FLRT2: variants seen among roughly 807,000 people sequenced by gnomAD.
FLRT2 encodes the protein leucine-rich repeat transmembrane protein FLRT2.
In FLRT2, 15 loss-of-function variants were observed where a neutral mutation model predicts 40.0. The ratio of observed to expected loss-of-function variants is 0.38; its 90% CI spans 0.25 to 0.58. The LOEUF is 0.58. Among genes scored for constraint, FLRT2 ranks in the 20% least tolerant of loss-of-function variants. FLRT2 has a pLI of 0.71. For synonymous variants in FLRT2, 380 were observed against 336.8 expected, an observed-to-expected ratio of 1.13 and a Z score of -1.41; for missense variants, 726 against 840.0, an observed-to-expected ratio of 0.86 and a Z score of 1.68.
At chr14:85,579,813 G>T (rs1412928449) in intron 1 of FLRT2, among the ~76,000 whole-genome samples, 2 of 151,926 alleles carry the variant, frequency 1.3e-5, no homozygotes, top group African/African-American at 2.4e-5. Flanking sequence ...AAATGACAGG[G>T]CTGTCTTTAA....
intron 1 of FLRT2, among the ~76,000 whole-genome samples, chr14:85,537,682 C>T (rs1888744353): frequency 6.6e-6 from 1 of 151,728 alleles, no homozygotes. Flanking sequence ...AACTATGTTC[C>T]TTTTTTAAAG....
chr14:85,613,506 TA>T (rs144085936), intron 1 of FLRT2, among the ~76,000 whole-genome samples: 2,316 of 152,340 alleles, frequency 0.015, 33 homozygotes, highest in South Asian at 0.065. Context: ...TTAGGTAGCT[TA>T]AAACTCTTGA....
intron 1 of FLRT2, among the ~76,000 whole-genome samples, chr14:85,599,702 TC>T (rs565531694): frequency 6.6e-6 from 1 of 152,138 alleles, no homozygotes; most frequent in Non-Finnish European, 1.5e-5. Flanking sequence ...TTTTCTTTCC[TC>T]CCCCCGTCTT....
rs549844386 is a variant in FLRT2 at position 85,570,607 on chromosome 14, A to G, written c.-377+40073A>G. On this transcript the variant is annotated intron_variant, in intron 1 of 1. Coordinates refer to ENST00000330753, the MANE Select transcript of FLRT2 (RefSeq NM_013231.6). ...TTTATTTATTTATTTATTGAGACAG[A>G]ATCTCACTCTGTCGCCCAGGCTGGA... Among the ~76,000 whole-genome samples the G allele has an allele frequency of 1.6e-4, 19 of 121,662 alleles. No homozygotes were observed. The South Asian group carries it at 4.9e-3, about 31-fold the overall frequency. The allele number at this position is 121,662 out of a possible 152,430, so 79.8% of individuals were successfully genotyped here.
At chr14:85,596,757 G>C (rs985078849) in intron 1 of FLRT2, among the ~76,000 whole-genome samples, 1 of 152,192 alleles carries the variant, frequency 6.6e-6, no homozygotes, top group Admixed American at 6.6e-5. Flanking sequence ...TGGCACAGAT[G>C]AGAACATGCT....
intron 1 of FLRT2, among the ~76,000 whole-genome samples, chr14:85,547,042 T>A (rs900689580): frequency 3.3e-5 from 5 of 152,164 alleles, no homozygotes; most frequent in African/African-American, 1.2e-4. Flanking sequence ...AGCCCATATT[T>A]CTCCTTCCCT....
intron 1 of FLRT2, among the ~76,000 whole-genome samples, chr14:85,572,041 C>A (rs1005537908): frequency 1.3e-5 from 2 of 152,142 alleles, no homozygotes; most frequent in African/African-American, 4.8e-5. Flanking sequence ...ATGTTGAGAA[C>A]CCCCAGCCTA....
At chr14:85,610,104 G>T (rs571448173) in intron 1 of FLRT2, among the ~76,000 whole-genome samples, 10 of 152,220 alleles carry the variant, frequency 6.6e-5, no homozygotes, top group African/African-American at 2.4e-4. Flanking sequence ...TTACATGGCT[G>T]TCTTTACCCA....
At position 85,651,421 on chromosome 14, in the gene FLRT2, C is replaced by G. The variant is rs1894430756; in HGVS notation, c.*27924C>G. 1 of 152,028 alleles carries G rather than the reference C, an allele frequency of 6.6e-6. No individual in the cohort carries two copies. The highest frequency in any genetic ancestry group is 2.4e-5 in the African/African-American group (1 of 41,404). The allele number at this position is 152,028 out of a possible 1,614,324, so 9.4% of individuals were successfully genotyped here. The stretch of plus-strand genomic sequence containing the variant: ...AAGCTAATATCGCTTCATTTTATCT[C>G]TCATCACATTTTGTTTTTGTTTGTT... On this transcript the variant is annotated 3_prime_UTR_variant, in exon 2 of 2. Transcript: ENST00000330753.
At chr14:85,565,084 C>T (rs571530831) in intron 1 of FLRT2, among the ~76,000 whole-genome samples, 29 of 152,266 alleles carry the variant, frequency 1.9e-4, no homozygotes, top group African/African-American at 7.0e-4. Context: ...TTATTTTAAA[C>T]CAGATTTCCA....
intron 1 of FLRT2, among the ~76,000 whole-genome samples, chr14:85,569,796 G>T (rs921480843): frequency 1.3e-5 from 2 of 152,168 alleles, no homozygotes; most frequent in African/African-American, 4.8e-5. Flanking sequence ...TTCTTTTTCT[G>T]TGCTTTTGGA....
intron 1 of FLRT2, among the ~76,000 whole-genome samples, chr14:85,601,690 T>C (rs1473743700): frequency 6.6e-6 from 1 of 152,196 alleles, no homozygotes. Context: ...ATGAGACTAA[T>C]GATAATACTT....
At chr14:85,607,371 A>G (rs998084475) in intron 1 of FLRT2, among the ~76,000 whole-genome samples, 5 of 152,194 alleles carry the variant, frequency 3.3e-5, no homozygotes, top group Non-Finnish European at 7.3e-5. Flanking sequence ...TGGGAAAGCA[A>G]TTAGAGTTAG....
chr14:85,559,667 C>T (rs1415758914), intron 1 of FLRT2, among the ~76,000 whole-genome samples: 3 of 151,962 alleles, frequency 2.0e-5, no homozygotes, highest in Non-Finnish European at 4.4e-5. Context: ...AGCAGCTCAG[C>T]AGGTCAGTTT....
intron 1 of FLRT2, among the ~76,000 whole-genome samples, chr14:85,567,729 C>T (rs1595035094): frequency 6.8e-6 from 1 of 147,964 alleles, no homozygotes; most frequent in African/African-American, 2.5e-5. Context: ...CAACCTCCGC[C>T]TTCTGGGTTC....
At chr14:85,531,593 T>C (rs1888281937) in intron 1 of FLRT2, among the ~76,000 whole-genome samples, 2 of 152,072 alleles carry the variant, frequency 1.3e-5, no homozygotes, top group Admixed American at 1.3e-4. Context: ...CGTGTGGTGC[T>C]CCTGCCAGCG....
At chr14:85,618,493 A>C (rs1298264547) in intron 1 of FLRT2, among the ~76,000 whole-genome samples, 1 of 152,204 alleles carries the variant, frequency 6.6e-6, no homozygotes, top group East Asian at 1.9e-4. Flanking sequence ...GGTGATGACA[A>C]GTAACTCTTT....
rs577903445 is a variant in FLRT2 at position 85,642,604 on chromosome 14, G to C, written c.*19107G>C. 2 of 152,048 alleles carry C rather than the reference G, an allele frequency of 1.3e-5. No individual in the cohort carries two copies. The highest frequency in any genetic ancestry group is 1.3e-4 in the Admixed American group (2 of 15,256). 9.4% of individuals were successfully genotyped at this position (152,048 alleles called of 1,614,324 possible). ...TTATTTTTTATCAGGAGAAATCTGC[G>C]GACTATGTATGGCAACAGACTCAAA... is the stretch of plus-strand genomic sequence containing the variant. On this transcript the variant is annotated 3_prime_UTR_variant, in exon 2 of 2. Coordinates refer to ENST00000330753, the MANE Select transcript of FLRT2 (RefSeq NM_013231.6).
intron 1 of FLRT2, among the ~76,000 whole-genome samples, chr14:85,580,436 G>A (rs969904366): frequency 1.3e-5 from 2 of 152,046 alleles, no homozygotes; most frequent in Non-Finnish European, 2.9e-5. Context: ...ATATATGTGC[G>A]AGTGCATGCA....
Sources: gnomAD v4.1 joint callset for allele counts (sites outside exome capture counted in the v4.1 genomes callset) on GRCh38, gnomAD v4.1.1 for gene constraint, MANE v1.5 for transcripts, NCBI Gene and HGNC (gene_info 2026-07-23, HGNC 2026-07-21) for gene names.